Variants in NAV3 observed in about 807,000 individuals in gnomAD.
The protein encoded by NAV3 is neuron navigator 3, also known as pore membrane and/or filament interacting like protein 1.
Under a neutral mutation model 244.7 loss-of-function variants are expected in NAV3, and 87 were observed. The observed-to-expected ratio is 0.36, with a 90% confidence interval of 0.30 to 0.42. NAV3 has a LOEUF of 0.42. NAV3 is among the 20% of genes least tolerant of loss of function. NAV3 has a pLI of 1.00. For missense variants in NAV3, 2,663 were observed against 2,893.3 expected (o/e 0.92, Z 1.83); for synonymous variants, 1,126 against 1,042.2 (o/e 1.08, Z -1.55).
intron 1 of NAV3, among the ~76,000 whole-genome samples, chr12:77,835,251 T>C (rs772251896): frequency 6.6e-6 from 1 of 152,186 alleles, no homozygotes; most frequent in Non-Finnish European, 1.5e-5. Flanking sequence ...CTTGCTCCAA[T>C]GGAGACTGAA....
chr12:77,903,341 A>G (rs1885545500), intron 1 of NAV3, among the ~76,000 whole-genome samples: 1 of 152,180 alleles, frequency 6.6e-6, no homozygotes. Flanking sequence ...ATAATGCCGC[A>G]TATCTACAAC....
At chr12:77,709,259 A>G (rs531686039) in intron 2 of NAV3, among the ~76,000 whole-genome samples, 1 of 152,340 alleles carries the variant, frequency 6.6e-6, no homozygotes, top group South Asian at 2.1e-4. Context: ...GCAGCCCTTT[A>G]TGCTAAAAAC....
chr12:77,954,601 CTG>C (rs1565954488), intron 3 of NAV3, among the ~76,000 whole-genome samples: 1 of 152,174 alleles, frequency 6.6e-6, no homozygotes, highest in African/African-American at 2.4e-5. Context: ...GCTTATGACT[CTG>C]TGTAAACTTC....
chr12:77,595,788 T>C (rs1195242089), intron 2 of NAV3, among the ~76,000 whole-genome samples: 2 of 152,172 alleles, frequency 1.3e-5, no homozygotes, highest in Non-Finnish European at 2.9e-5. Context: ...CAGTTTATAG[T>C]GTCATGCAAA....
intron 1 of NAV3, among the ~76,000 whole-genome samples, chr12:77,892,811 A>T (rs1309586112): frequency 6.6e-6 from 1 of 152,230 alleles, no homozygotes; most frequent in Non-Finnish European, 1.5e-5. Context: ...TGATCTCAAA[A>T]TTATAATGAT....
chr12:78,032,461 C>A (rs747993257), intron 9 of NAV3, among the ~76,000 whole-genome samples: 3 of 152,112 alleles, frequency 2.0e-5, no homozygotes, highest in African/African-American at 4.8e-5. Context: ...ATGACTTTTT[C>A]AATTTGAATA....
chr12:77,646,433 G>T (rs965223085), intron 2 of NAV3, among the ~76,000 whole-genome samples: 10 of 152,024 alleles, frequency 6.6e-5, no homozygotes, highest in Non-Finnish European at 1.0e-4. Context: ...CAAACCTCCT[G>T]TCCTGAAGCA....
At chr12:77,589,707 T>C (rs1265705636) in intron 2 of NAV3, among the ~76,000 whole-genome samples, 1 of 152,176 alleles carries the variant, frequency 6.6e-6, no homozygotes, top group Non-Finnish European at 1.5e-5. Flanking sequence ...TCCCACCACA[T>C]GTGGGGATTA....
chr12:78,179,271 T>G (rs1413076077), intron 28 of NAV3: 3 of 330,202 alleles, frequency 9.1e-6, no homozygotes, highest in African/African-American at 2.2e-5. Context: ...TTAGGATTAC[T>G]TTATATTCAG....
chr12:77,966,374 T>G, intron 4 of NAV3, 73 bp downstream of exon 4: 1 of 1,300,826 alleles, frequency 7.7e-7, no homozygotes, highest in Non-Finnish European at 1.1e-6. Context: ...ATGTAAGAAA[T>G]GTAACATTGG....
intron 5 of NAV3, among the ~76,000 whole-genome samples, chr12:77,994,062 C>T (rs1345938946): frequency 1.3e-5 from 1 of 74,886 alleles, no homozygotes; most frequent in East Asian, 4.0e-4. Flanking sequence ...CAAAATTTGG[C>T]TTAAATCATG....
At chr12:78,028,920 A>G (rs1476692386) in intron 9 of NAV3, among the ~76,000 whole-genome samples, 2 of 152,206 alleles carry the variant, frequency 1.3e-5, no homozygotes, top group African/African-American at 4.8e-5. Context: ...ATAAATATAA[A>G]AACACTTCCT....
intron 2 of NAV3, among the ~76,000 whole-genome samples, chr12:77,797,526 T>A (rs1462921775): frequency 8.6e-4 from 2 of 2,326 alleles, no homozygotes; most frequent in African/African-American, 2.0e-3. Flanking sequence ...TTTAAAAAGT[T>A]TTTTTTTTTT....
chr12:77,892,814 A>G (rs946441810), intron 1 of NAV3, among the ~76,000 whole-genome samples: 1 of 152,230 alleles, frequency 6.6e-6, no homozygotes, highest in Non-Finnish European at 1.5e-5. Flanking sequence ...TCTCAAAATT[A>G]TAATGATGAG....
chr12:77,716,543 A>G (rs548056499), intron 2 of NAV3, among the ~76,000 whole-genome samples: 3 of 152,054 alleles, frequency 2.0e-5, no homozygotes, highest in Admixed American at 2.0e-4. Context: ...TTATATTTTT[A>G]ATCCTTATAT....
intron 12 of NAV3, among the ~76,000 whole-genome samples, chr12:78,071,375 C>A (rs1295784944): frequency 1.3e-5 from 2 of 151,842 alleles, no homozygotes; most frequent in East Asian, 3.9e-4. Flanking sequence ...CTGTTCATGT[C>A]CTTCACCCAC....
intron 2 of NAV3, among the ~76,000 whole-genome samples, chr12:77,651,083 T>C (rs1026432535): frequency 4.6e-5 from 7 of 152,280 alleles, no homozygotes; most frequent in Non-Finnish European, 8.8e-5. Flanking sequence ...ATATCGCACA[T>C]TGCTGATACA....
At chr12:78,038,215 G>A (rs1482588565) in intron 9 of NAV3, among the ~76,000 whole-genome samples, 2 of 152,280 alleles carry the variant, frequency 1.3e-5, no homozygotes, top group Admixed American at 1.3e-4. Context: ...TGTTATTTCT[G>A]AATTCAGTCT....
At chr12:77,606,415 T>A (rs1012310431) in intron 2 of NAV3, among the ~76,000 whole-genome samples, 1 of 152,158 alleles carries the variant, frequency 6.6e-6, no homozygotes, top group African/African-American at 2.4e-5. Context: ...TGCCACTATT[T>A]CATCATGTCT....
Sources: gnomAD v4.1 joint callset for allele counts (sites outside exome capture counted in the v4.1 genomes callset) on GRCh38, gnomAD v4.1.1 for gene constraint, MANE v1.5 for transcripts, NCBI Gene and HGNC (gene_info 2026-07-23, HGNC 2026-07-21) for gene names.